The following ADAM12 variants were observed in gnomAD, a reference collection of about 807,000 sequenced individuals.
ADAM12 encodes disintegrin and metalloproteinase domain-containing protein 12.
ADAM12 carries 70 observed loss-of-function variants against 106.4 expected under a neutral mutation model. The ratio of observed to expected loss-of-function variants is 0.66; its 90% CI spans 0.54 to 0.80. The LOEUF (loss-of-function observed/expected upper bound fraction) is 0.80, where lower values mean the gene tolerates loss of function less well. Ranked by LOEUF, ADAM12 falls within the 30% of genes least tolerant of loss-of-function variation. The probability of loss-of-function intolerance (pLI) is 0.00; values close to 1 mark genes in which losing one functional copy is unlikely to be tolerated. For synonymous variants in ADAM12, 420 were observed against 433.5 expected, an observed-to-expected ratio of 0.97 and a Z score of 0.39; for missense variants, 1,010 against 1,171.9, an observed-to-expected ratio of 0.86 and a Z score of 2.02.
At chr10:126,326,619 A>G (rs1373585078) in intron 2 of ADAM12, among the ~76,000 whole-genome samples, 2 of 151,882 alleles carry the variant, frequency 1.3e-5, no homozygotes, top group African/African-American at 4.8e-5. Flanking sequence ...CCTCATTTCC[A>G]TTCAGGGCCC....
At position 126,279,650 on chromosome 10, in the gene ADAM12, C is replaced by G. The variant is rs183910307; in HGVS notation, c.187-662G>C. Among the ~76,000 whole-genome samples, 436 of 152,016 alleles carry G rather than the reference C, an allele frequency of 2.9e-3. 5 individuals carry two copies. Among genetic ancestry groups the G allele is most frequent in the African/African-American group, 0.01 (424 of 41,450 alleles). The stretch of plus-strand genomic sequence containing the variant: ...GCTGAAGCAGGAGAATCGCTTGAAC[C>G]CGGGAGGCCGAGGTTGTAGTGAGCC... On this transcript the variant is annotated intron_variant, in intron 2 of 22. Coordinates refer to ENST00000448723, the MANE Select transcript of ADAM12 (RefSeq NM_001288973.2).
intron 1 of ADAM12, among the ~76,000 whole-genome samples, chr10:126,337,530 C>T (rs1247797689): frequency 1.3e-5 from 2 of 152,230 alleles, no homozygotes; most frequent in Non-Finnish European, 2.9e-5. Flanking sequence ...CCTTCCTCCA[C>T]CTGCTTTGTT....
At chr10:126,329,957 C>T (rs1044340895) in intron 2 of ADAM12, among the ~76,000 whole-genome samples, 2 of 152,096 alleles carry the variant, frequency 1.3e-5, no homozygotes, top group Non-Finnish European at 2.9e-5. Flanking sequence ...TATTCTTTTA[C>T]ATCATAAAAG....
chr10:126,027,593 A>G (rs1391936886), intron 21 of ADAM12, among the ~76,000 whole-genome samples: 2 of 150,036 alleles, frequency 1.3e-5, no homozygotes, highest in African/African-American at 5.1e-5. Flanking sequence ...GATTCATCAC[A>G]TAAACAGAAC....
chr10:126,161,077 G>A (rs1291799445), intron 3 of ADAM12, among the ~76,000 whole-genome samples: 18 of 151,510 alleles, frequency 1.2e-4, no homozygotes. Flanking sequence ...TTTTCTGCCT[G>A]GTATTCCTAT....
chr10:126,307,724 G>T (rs2133810361), intron 2 of ADAM12, among the ~76,000 whole-genome samples: 1 of 152,082 alleles, frequency 6.6e-6, no homozygotes, highest in Non-Finnish European at 1.5e-5. Context: ...TATTTTAGTA[G>T]AGACAGGGTT....
intron 1 of ADAM12, among the ~76,000 whole-genome samples, chr10:126,338,532 G>A (rs919045221): frequency 6.6e-6 from 1 of 152,200 alleles, no homozygotes; most frequent in East Asian, 1.9e-4. Flanking sequence ...GATTACAGGC[G>A]TGAGCCACCG....
At chr10:126,180,443 T>A (rs919059793) in intron 3 of ADAM12, among the ~76,000 whole-genome samples, 2 of 152,166 alleles carry the variant, frequency 1.3e-5, no homozygotes, top group South Asian at 2.1e-4. Context: ...TCTCTGTACG[T>A]GGGTGGCATG....
chr10:126,065,115 G>T, intron 13 of ADAM12, 114 bp from the exon 14 acceptor site: 2 of 1,097,974 alleles, frequency 1.8e-6, no homozygotes, highest in Non-Finnish European at 2.5e-6. Flanking sequence ...AAGGGGTGAG[G>T]ATTTCAAAGG....
intron 4 of ADAM12, among the ~76,000 whole-genome samples, chr10:126,148,666 C>T (rs866206282): frequency 2.3e-4 from 35 of 152,306 alleles, no homozygotes; most frequent in Middle Eastern, 6.8e-3. Context: ...ATTAATCTAG[C>T]TTTCAGTTGC....
At position 126,340,615 on chromosome 10, in the gene ADAM12, G is replaced by A. The variant is rs181340586; in HGVS notation, c.89-10106C>T. Among the ~76,000 whole-genome samples the A allele has an allele frequency of 1.0e-3, 153 of 152,122 alleles. 1 individual carries two copies. Among genetic ancestry groups the A allele is most frequent in the African/African-American group, 3.5e-3 (146 of 41,504 alleles). ...GATTCAGACTTTTTTCCTAAGTTCT[G>A]GAACCTCATGTCCTGATAGCACCAT... On this transcript the variant is annotated intron_variant, in intron 1 of 22. Transcript: ENST00000448723.
chr10:126,164,784 A>G (rs1268285656), intron 3 of ADAM12, among the ~76,000 whole-genome samples: 2 of 152,248 alleles, frequency 1.3e-5, no homozygotes, highest in Non-Finnish European at 2.9e-5. Flanking sequence ...AGCTGGAATC[A>G]TGAAGATCTT....
chr10:126,304,232 C>T (rs1203338980), intron 2 of ADAM12, among the ~76,000 whole-genome samples: 1 of 141,418 alleles, frequency 7.1e-6, no homozygotes, highest in East Asian at 2.2e-4. Flanking sequence ...AAGAAACCAA[C>T]ATACAGAAAA....
intron 3 of ADAM12, among the ~76,000 whole-genome samples, chr10:126,249,487 C>G (rs1958701661): frequency 6.6e-6 from 1 of 152,182 alleles, no homozygotes; most frequent in African/African-American, 2.4e-5. Context: ...ATCACGAGGT[C>G]AGGAGATCAA....
chr10:126,363,116 A>G (rs1855795210), intron 1 of ADAM12, among the ~76,000 whole-genome samples: 1 of 152,204 alleles, frequency 6.6e-6, no homozygotes, highest in African/African-American at 2.4e-5. Flanking sequence ...ATTGCTACAA[A>G]AATTAAATTG....
At chr10:126,065,654 G>A (rs1954852148) in intron 13 of ADAM12, among the ~76,000 whole-genome samples, 1 of 152,174 alleles carries the variant, frequency 6.6e-6, no homozygotes, top group African/African-American at 2.4e-5. Context: ...AACCCTGCGA[G>A]TCCTGGGCTT....
chr10:126,213,606 G>A (rs949647157), intron 3 of ADAM12, among the ~76,000 whole-genome samples: 2 of 151,854 alleles, frequency 1.3e-5, no homozygotes, highest in African/African-American at 4.8e-5. Context: ...ACAATTTTGG[G>A]GTATAAAAAT....
At chr10:126,219,302 G>A (rs1958046494) in intron 3 of ADAM12, among the ~76,000 whole-genome samples, 1 of 152,226 alleles carries the variant, frequency 6.6e-6, no homozygotes, top group Non-Finnish European at 1.5e-5. Flanking sequence ...AGGTCCTGGT[G>A]ACCTGCTTCG....
At chr10:126,085,594 C>T (rs1565044726) in intron 11 of ADAM12, among the ~76,000 whole-genome samples, 2 of 152,184 alleles carry the variant, frequency 1.3e-5, no homozygotes, top group Non-Finnish European at 2.9e-5. Flanking sequence ...ACCTATCCAC[C>T]TACCTATCAT....
Sources: allele counts gnomAD v4.1 joint callset (sites outside exome capture counted in the v4.1 genomes callset), GRCh38; gene constraint gnomAD v4.1.1; transcripts MANE v1.5; gene names NCBI Gene and HGNC (gene_info 2026-07-23, HGNC 2026-07-21).